Variants in C2orf49 observed in about 807,000 individuals in gnomAD.
C2orf49 encodes the protein tRNA-splicing ligase complex subunit ASW.
Under a neutral mutation model 20.6 loss-of-function variants are expected in C2orf49, and 11 were observed. That is an observed-to-expected ratio of 0.53 (90% CI 0.34 to 0.88). The LOEUF (loss-of-function observed/expected upper bound fraction) is 0.88. Ranked by LOEUF, C2orf49 falls within the 40% of genes least tolerant of loss-of-function variation. The probability of loss-of-function intolerance (pLI) is 0.02; values close to 1 mark genes in which losing one functional copy is unlikely to be tolerated. For synonymous variants in C2orf49, 134 were observed against 108.5 expected (o/e 1.24, Z -1.46); for missense variants, 289 against 274.2 (o/e 1.05, Z -0.38).
chr2:105,379,177 C>T, the C2orf49 span, among the ~76,000 whole-genome samples: 1 of 152,230 alleles, frequency 6.6e-6, no homozygotes, highest in African/African-American at 2.4e-5. Flanking sequence ...TTGAACCTCT[C>T]TTGCCAGATT....
At position 105,345,331 on chromosome 2, in the gene C2orf49, C is replaced by T. The variant is rs116771593; in HGVS notation, c.659C>T (p.Pro220Leu). Residue 220 changes from proline (P) to leucine (L), a missense_variant, in exon 4 of 4, where the codon CCA becomes CTA. Coordinates refer to ENST00000258457, the MANE Select transcript of C2orf49 (RefSeq NM_024093.3). The part of the protein sequence containing the change: ...EAEAMNNLKP[P>L]QAKRKIQHVT... ...GTCTTTCAGAATAACCTGAAGCCCC[C>T]ACAAGCAAAAAGGAAGATACAACAT... The T allele has an allele frequency of 0.017, 27,939 of 1,611,550 alleles. 290 individuals are homozygous for T. Among genetic ancestry groups the T allele is most frequent in the Non-Finnish European group, 0.02 (23,785 of 1,178,990 alleles).
chr2:105,385,170 TA>T, the C2orf49 span, among the ~76,000 whole-genome samples: 5 of 152,218 alleles, frequency 3.3e-5, no homozygotes. Context: ...AGCATTGGTT[TA>T]GGGGGCTGGT....
Position 105,343,135 on chromosome 2 carries a change from G to A in C2orf49, c.554G>A (p.Gly185Asp), listed in dbSNP as rs28930676. The A allele has an allele frequency of 0.044, 70,615 of 1,614,052 alleles. 1,734 individuals are homozygous for A. Among genetic ancestry groups the A allele is most frequent in the African/African-American group, 0.075 (5,650 of 75,002 alleles). Residue 185 changes from glycine (G) to aspartate (D), a missense_variant, in exon 3 of 4, where the codon GGC becomes GAC. Transcript: ENST00000258457. ...HDLTHRKSPS[G>D]PVKSPPLSPV... ...TTAACGCATAGGAAAAGTCCTTCAGGCCCTGTGAAGTCGCCACCATTGTCC... is the reference window on the plus strand; with the variant it reads ...TTAACGCATAGGAAAAGTCCTTCAGACCCTGTGAAGTCGCCACCATTGTCC...
In C2orf49 at chr2:105,346,319, T is replaced by C. The variant is rs900697392; in HGVS notation, c.*948T>C. 1.3e-5 allele frequency: 2 copies of C among 152,204 alleles called. No individual in the cohort carries two copies. Among genetic ancestry groups the C allele is most frequent in the African/African-American group, 4.8e-5 (2 of 41,454 alleles). The allele number at this position is 152,204 out of a possible 1,614,324, so 9.4% of individuals were successfully genotyped here. A position where few individuals can be genotyped will look rare whatever the true frequency, so the allele number is the denominator to read the frequency against. ...TTGCTATTGCTCCTTTCCTTGAAGTTGTAACAATTGATACATATATTATGA... is the reference window on the plus strand; with the variant it reads ...TTGCTATTGCTCCTTTCCTTGAAGTCGTAACAATTGATACATATATTATGA... On this transcript the variant is annotated 3_prime_UTR_variant, in exon 4 of 4. Coordinates refer to ENST00000258457, the MANE Select transcript of C2orf49 (RefSeq NM_024093.3).
At chr2:105,338,655 C>T (rs1573239978) in intron 1 of C2orf49, among the ~76,000 whole-genome samples, 1 of 152,268 alleles carries the variant, frequency 6.6e-6, no homozygotes, top group East Asian at 1.9e-4. Flanking sequence ...CCAAGAGAAT[C>T]CTGGTAGTTT....
chr2:105,339,833 T>TA (rs1679618821), intron 2 of C2orf49, 84 bp downstream of exon 2: 27 of 1,258,642 alleles, frequency 2.1e-5, no homozygotes, highest in Admixed American at 3.3e-5. Flanking sequence ...GAGATAAACT[T>TA]AAGTAAAAAA....
chr2:105,373,562 G>T, the C2orf49 span: 2 of 1,614,194 alleles, frequency 1.2e-6, no homozygotes, highest in Non-Finnish European at 1.7e-6. Context: ...TCCTGACCTG[G>T]CATGATGGTC....
chr2:105,346,069 A>AT lies in C2orf49; in HGVS notation c.*699dup, dbSNP rs1453108472. 3 of 152,224 alleles carry AT rather than the reference A, an allele frequency of 2.0e-5. No individual in the cohort carries two copies. 9.4% of individuals were successfully genotyped at this position (152,224 alleles called of 1,614,324 possible). A position where few individuals can be genotyped will look rare whatever the true frequency, so the allele number is the denominator to read the frequency against. On this transcript the variant is annotated 3_prime_UTR_variant, in exon 4 of 4. Transcript: ENST00000258457. ...TTTGAGATTTTTTTTAAAAACTCAA[A>AT]TATTTTACTAGTTTGCCTGCCATTT...
the C2orf49 span, among the ~76,000 whole-genome samples, chr2:105,381,446 C>T: frequency 1.3e-5 from 2 of 152,254 alleles, no homozygotes; most frequent in Admixed American, 6.5e-5. Context: ...TTGTCCCCTT[C>T]GCGCAGCTTG....
the C2orf49 span, among the ~76,000 whole-genome samples, chr2:105,381,802 A>C: frequency 6.6e-6 from 1 of 152,202 alleles, no homozygotes; most frequent in Non-Finnish European, 1.5e-5. Context: ...TTGAGAACTT[A>C]AAAACCACCC....
chr2:105,382,441 G>A, the C2orf49 span, among the ~76,000 whole-genome samples: 2 of 152,186 alleles, frequency 1.3e-5, no homozygotes, highest in African/African-American at 4.8e-5. Context: ...ATTGTACCTC[G>A]GATACTTCCT....
rs776773136 is a variant in C2orf49 at position 105,346,210 on chromosome 2, A to G, written c.*839A>G. On this transcript the variant is annotated 3_prime_UTR_variant, in exon 4 of 4. Coordinates refer to ENST00000258457, the MANE Select transcript of C2orf49 (RefSeq NM_024093.3). ...AGCATCTTTGTAGTAGTGCTGGAAA[A>G]CTATTCAGAATATACAGATAAAAAT... is the stretch of plus-strand genomic sequence containing the variant. 4 of 152,210 alleles carry G rather than the reference A, an allele frequency of 2.6e-5. No individual in the cohort carries two copies. Among genetic ancestry groups the G allele is most frequent in the Admixed American group, 6.5e-5 (1 of 15,284 alleles). 9.4% of individuals were successfully genotyped at this position (152,210 alleles called of 1,614,324 possible).
intron 3 of C2orf49, among the ~76,000 whole-genome samples, chr2:105,343,608 TG>T (rs942940388): frequency 6.6e-6 from 1 of 152,192 alleles, no homozygotes; most frequent in African/African-American, 2.4e-5. Context: ...AAGTAGCATT[TG>T]GGGCCTGACC....
At chr2:105,338,509 G>C (rs1679568972) in intron 1 of C2orf49, among the ~76,000 whole-genome samples, 2 of 152,182 alleles carry the variant, frequency 1.3e-5, no homozygotes, top group Non-Finnish European at 2.9e-5. Flanking sequence ...TTCTCGTTCA[G>C]TAGTTCCGGA....
chr2:105,373,699 G>C, the C2orf49 span: 8 of 1,614,190 alleles, frequency 5.0e-6, no homozygotes, highest in Admixed American at 8.3e-5. Flanking sequence ...GTGGAAACAG[G>C]CTTCATGCCA....
chr2:105,351,311 G>GC (rs1262786903), downstream of C2orf49, among the ~76,000 whole-genome samples: 21 of 50,422 alleles, frequency 4.2e-4, 1 homozygote, highest in Admixed American at 6.9e-4. Flanking sequence ...TTTGCCCACC[G>GC]CGCCCCCCCC....
At chr2:105,354,597 C>G in the C2orf49 span, among the ~76,000 whole-genome samples, 1 of 151,708 alleles carries the variant, frequency 6.6e-6, no homozygotes, top group Admixed American at 6.6e-5. Context: ...ACCCTGGAGG[C>G]AGAGGTTGCA....
chr2:105,364,224 C>G, the C2orf49 span, among the ~76,000 whole-genome samples: 21,251 of 152,140 alleles, frequency 0.14, 1,837 homozygotes, highest in South Asian at 0.24. Flanking sequence ...CCACTGCACA[C>G]CAGCCTGGAC....
the C2orf49 span, among the ~76,000 whole-genome samples, chr2:105,380,905 C>A: frequency 6.6e-6 from 1 of 152,216 alleles, no homozygotes; most frequent in Non-Finnish European, 1.5e-5. Flanking sequence ...CCACACACTT[C>A]CTTTCTGGTT....
Sources: allele counts gnomAD v4.1 joint callset (sites outside exome capture counted in the v4.1 genomes callset), GRCh38; gene constraint gnomAD v4.1.1; transcripts MANE v1.5; gene names NCBI Gene and HGNC (gene_info 2026-07-23, HGNC 2026-07-21).